The following HTR7 variants were observed in gnomAD, a reference collection of about 807,000 sequenced individuals.
The protein encoded by HTR7 is 5-HT-7.
In HTR7, 16 loss-of-function variants were observed where a neutral mutation model predicts 34.0. The observed-to-expected ratio is 0.47, with a 90% CI of 0.32 to 0.71. The LOEUF (loss-of-function observed/expected upper bound fraction) is 0.71. HTR7 is among the 30% of genes least tolerant of loss of function. The pLI is 0.04. For synonymous variants in HTR7, 265 were observed against 260.2 expected, an observed-to-expected ratio of 1.02 and a Z score of -0.18; for missense variants, 504 against 625.5, an observed-to-expected ratio of 0.81 and a Z score of 2.07.
chr10:90,751,692 A>G (rs888680065), intron 1 of HTR7, among the ~76,000 whole-genome samples: 1 of 152,178 alleles, frequency 6.6e-6, no homozygotes, highest in African/African-American at 2.4e-5. Flanking sequence ...TGGAAAAATT[A>G]TGACAAAAAA....
At chr10:90,798,539 A>C (rs2119911020) in intron 1 of HTR7, among the ~76,000 whole-genome samples, 1 of 151,938 alleles carries the variant, frequency 6.6e-6, no homozygotes, top group South Asian at 2.1e-4. Flanking sequence ...ACATACTGAA[A>C]CCCCCATCTC....
At chr10:90,841,191 T>G (rs1436753774) in intron 1 of HTR7, among the ~76,000 whole-genome samples, 1 of 152,222 alleles carries the variant, frequency 6.6e-6, no homozygotes, top group Non-Finnish European at 1.5e-5. Context: ...GTGCCTTCAA[T>G]AGGACACTTA....
chr10:90,816,294 CCTCT>C (rs1406937483), intron 1 of HTR7, among the ~76,000 whole-genome samples: 1 of 152,150 alleles, frequency 6.6e-6, no homozygotes, highest in Admixed American at 6.5e-5. Flanking sequence ...GCAGAATATA[CCTCT>C]CTGAGTTCTC....
At chr10:90,745,563 TATC>T (rs1180530491) in intron 2 of HTR7, among the ~76,000 whole-genome samples, 1 of 152,252 alleles carries the variant, frequency 6.6e-6, no homozygotes, top group Non-Finnish European at 1.5e-5. Flanking sequence ...ACATGAAAGA[TATC>T]ATCTGTTTTC....
chr10:90,762,942 T>C (rs1020312218), intron 1 of HTR7, among the ~76,000 whole-genome samples: 4 of 152,174 alleles, frequency 2.6e-5, no homozygotes, highest in African/African-American at 9.7e-5. Context: ...AAGTTGACCG[T>C]GTATGTGGAG....
chr10:90,830,779 C>A (rs1460473351), intron 1 of HTR7, among the ~76,000 whole-genome samples: 2 of 142,242 alleles, frequency 1.4e-5, no homozygotes, highest in African/African-American at 2.7e-5. Flanking sequence ...CAAAGTGAGA[C>A]CCTGTCTCAG....
intron 1 of HTR7, among the ~76,000 whole-genome samples, chr10:90,777,077 G>T (rs1462251349): frequency 1.3e-5 from 2 of 152,166 alleles, no homozygotes; most frequent in African/African-American, 2.4e-5. Context: ...TCCTCTGAGG[G>T]TCAGCAGGCC....
chr10:90,800,191 C>T (rs1845602665), intron 1 of HTR7, among the ~76,000 whole-genome samples: 2 of 139,606 alleles, frequency 1.4e-5, no homozygotes, highest in African/African-American at 2.9e-5. Flanking sequence ...ACTGGAATTC[C>T]CATACATTGA....
At chr10:90,758,782 G>GA (rs149599589) in intron 1 of HTR7, among the ~76,000 whole-genome samples, 3,571 of 150,478 alleles carry the variant, frequency 0.024, 140 homozygotes, top group African/African-American at 0.083. Context: ...ATTTGGGAAA[G>GA]AAAAAAAAAT....
chr10:90,840,232 G>C (rs561459236), intron 1 of HTR7, among the ~76,000 whole-genome samples: 10 of 149,508 alleles, frequency 6.7e-5, no homozygotes, highest in African/African-American at 2.5e-4. Flanking sequence ...CTCTCTGTTA[G>C]AGCTCACTGC....
At chr10:90,842,982 A>G (rs537768433) in intron 1 of HTR7, among the ~76,000 whole-genome samples, 18 of 152,130 alleles carry the variant, frequency 1.2e-4, no homozygotes, top group Admixed American at 2.0e-4. Context: ...TCCTGATCCT[A>G]ACTTGGTTTC....
rs1447695961 is a variant in HTR7 at position 90,743,604 on chromosome 10, T to C, written c.1382A>G (p.Asn461Ser). 22 of 1,613,480 alleles carry C rather than the reference T, an allele frequency of 1.4e-5. No homozygotes were observed. The highest frequency in any genetic ancestry group is 7.7e-5 in the South Asian group (7 of 91,070). ...TCCTTGCTACCCACCTGCTAACCAA[T>C]TGTGATGGTCTGGAGATTGTAGCAC... ...VWVLQSPDHH[N>S]WLADKMLTTV... Residue 461 changes from asparagine (N) to serine (S), a missense_variant, in exon 3 of 4, where the codon AAT (asparagine) becomes AGT (serine). Physicochemically the swap from Asn to Ser is conservative, Grantham distance 46 (BLOSUM62 1). Coordinates refer to ENST00000336152, the MANE Select transcript of HTR7 (RefSeq NM_019859.4).
chr10:90,830,790 A>G (rs1480483977), intron 1 of HTR7, among the ~76,000 whole-genome samples: 2 of 84,350 alleles, frequency 2.4e-5, no homozygotes, highest in South Asian at 3.2e-4. Flanking sequence ...CCTGTCTCAG[A>G]AAAAAAAAAA....
chr10:90,776,867 T>C (rs779802104), intron 1 of HTR7, among the ~76,000 whole-genome samples: 1 of 150,932 alleles, frequency 6.6e-6, no homozygotes, highest in Non-Finnish European at 1.5e-5. Flanking sequence ...TATTCCATAA[T>C]AGCTGTCCAC....
chr10:90,790,743 A>T (rs563424294), intron 1 of HTR7, among the ~76,000 whole-genome samples: 25 of 152,302 alleles, frequency 1.6e-4, no homozygotes, highest in African/African-American at 5.8e-4. Flanking sequence ...AAGCTATTTT[A>T]AAAAATACTG....
intron 1 of HTR7, among the ~76,000 whole-genome samples, chr10:90,824,619 C>T (rs1263796687): frequency 6.6e-6 from 1 of 152,186 alleles, no homozygotes. Flanking sequence ...CTGGACCTGT[C>T]CTGGGCCAGA....
intron 1 of HTR7, among the ~76,000 whole-genome samples, chr10:90,844,726 CAAAAAAAAAAAAAA>C (rs71025328): frequency 1.6e-3 from 63 of 39,472 alleles, no homozygotes; most frequent in Admixed American, 1.2e-3. Context: ...GACTCCGTCT[CAAAAAAAAAAAAAA>C]AAAAAAAAAA....
At chr10:90,832,328 G>C (rs1358575042) in intron 1 of HTR7, among the ~76,000 whole-genome samples, 2 of 152,240 alleles carry the variant, frequency 1.3e-5, no homozygotes, top group Non-Finnish European at 2.9e-5. Flanking sequence ...GCCCCGAGGA[G>C]AGGCAGCTAA....
chr10:90,808,365 C>CTCCG (rs1845736868), intron 1 of HTR7, among the ~76,000 whole-genome samples: 1 of 151,986 alleles, frequency 6.6e-6, no homozygotes, highest in Non-Finnish European at 1.5e-5. Context: ...TCTACCTCTT[C>CTCCG]TCCGCCTTTC....
Sources: allele counts gnomAD v4.1 joint callset (sites outside exome capture counted in the v4.1 genomes callset), GRCh38; gene constraint gnomAD v4.1.1; transcripts MANE v1.5; gene names NCBI Gene and HGNC (gene_info 2026-07-23, HGNC 2026-07-21).